KATNAL1: variants seen among roughly 807,000 people sequenced by gnomAD.
The protein encoded by KATNAL1 is katanin p60 ATPase-containing subunit A-like 1.
KATNAL1 carries 32 observed loss-of-function variants against 55.2 expected under a neutral mutation model. That is an observed-to-expected ratio of 0.58 (90% CI 0.44 to 0.78). The LOEUF (loss-of-function observed/expected upper bound fraction) is 0.78, where lower values mean the gene tolerates loss of function less well. KATNAL1 is among the 30% of genes least tolerant of loss of function. The pLI is 0.00. For synonymous variants in KATNAL1, 193 were observed against 193.6 expected, an observed-to-expected ratio of 1.00 and a Z score of 0.02; for missense variants, 466 against 600.9, an observed-to-expected ratio of 0.78 and a Z score of 2.35.
At chr13:30,289,022 AAT>A (rs1214748835) in intron 1 of KATNAL1, among the ~76,000 whole-genome samples, 6 of 152,172 alleles carry the variant, frequency 3.9e-5, no homozygotes, top group African/African-American at 1.4e-4. Flanking sequence ...ATTCTATACA[AAT>A]TTTTACTACC....
rs1166285637 is a variant in KATNAL1, at chr13:30,234,696, A to G, written c.727-3224T>C. ...ACTCTATCTGAAGCTCCAGGCCTCT[A>G]TTTTGAATTAGCTGCTGAGTATTTA... On this transcript the variant is annotated intron_variant, in intron 6 of 10. Coordinates refer to ENST00000380615, the MANE Select transcript of KATNAL1 (RefSeq NM_032116.5). 3.3e-5 allele frequency among the ~76,000 whole-genome samples: 5 copies of G among 152,174 alleles called. No homozygotes were observed. The East Asian group carries it at 9.6e-4, about 29-fold the overall frequency.
rs1412826928 is a variant in KATNAL1, at chr13:30,283,713, T to C, written c.65A>G (p.Tyr22Cys). The change falls in exon 2 of 11, where the codon TAC becomes TGC. Residue 22 changes from tyrosine (Y) to cysteine (C), a missense_variant. Tyr to Cys is a radical substitution (Grantham distance 194). Transcript: ENST00000380615. ...KGREYALLGNYDSSMVYYQGV... is the reference protein window; with the variant it reads ...KGREYALLGNCDSSMVYYQGV... ...CTGGTAATATACCATTGATGAGTCG[T>C]AATTTCCAAGAAGGGCATATTCTCT... 1 of 1,613,956 alleles carries C rather than the reference T, an allele frequency of 6.2e-7. No individual in the cohort carries two copies.
At chr13:30,251,667 T>C (rs1878333882) in intron 4 of KATNAL1, among the ~76,000 whole-genome samples, 1 of 152,196 alleles carries the variant, frequency 6.6e-6, no homozygotes, top group East Asian at 1.9e-4. Flanking sequence ...TAAGCTATTT[T>C]GTCATAGTAG....
chr13:30,270,012 C>T (rs1278162147), intron 3 of KATNAL1, among the ~76,000 whole-genome samples: 5 of 145,416 alleles, frequency 3.4e-5, no homozygotes, highest in African/African-American at 7.6e-5. Flanking sequence ...CCGCCCCGTC[C>T]GGGAGGGAGG....
intron 3 of KATNAL1, among the ~76,000 whole-genome samples, chr13:30,267,400 C>A (rs1344571678): frequency 6.6e-6 from 1 of 152,160 alleles, no homozygotes; most frequent in African/African-American, 2.4e-5. Context: ...ATTTATAAAA[C>A]CAAGTGGATA....
chr13:30,248,318 T>C (rs1321056093), intron 4 of KATNAL1, among the ~76,000 whole-genome samples: 3 of 152,158 alleles, frequency 2.0e-5, no homozygotes, highest in African/African-American at 7.2e-5. Context: ...CAAATGGGTT[T>C]AGAATTCTAA....
At chr13:30,255,365 CTTGA>C in intron 4 of KATNAL1, 78 bp downstream of exon 4, 1 of 1,182,020 alleles carries the variant, frequency 8.5e-7, no homozygotes, top group Non-Finnish European at 1.1e-6. Context: ...ACCAGGGTAT[CTTGA>C]AAAGCCAACA....
chr13:30,291,650 G>A (rs1882140062), intron 1 of KATNAL1, among the ~76,000 whole-genome samples: 1 of 152,146 alleles, frequency 6.6e-6, no homozygotes, highest in South Asian at 2.1e-4. Flanking sequence ...TAACACAGAT[G>A]TATTCAGGTG....
At chr13:30,303,496 T>G (rs1040445157) in intron 1 of KATNAL1, among the ~76,000 whole-genome samples, 1 of 152,178 alleles carries the variant, frequency 6.6e-6, no homozygotes, top group East Asian at 1.9e-4. Flanking sequence ...GCCCAGGAGT[T>G]CAAGGCTGCT....
chr13:30,235,796 T>TG (rs1223545763), intron 6 of KATNAL1, among the ~76,000 whole-genome samples: 1 of 151,968 alleles, frequency 6.6e-6, no homozygotes, highest in Non-Finnish European at 1.5e-5. Flanking sequence ...ACTCAGGGGT[T>TG]GGGGCACCAA....
At chr13:30,248,181 G>A (rs776098498) in intron 4 of KATNAL1, among the ~76,000 whole-genome samples, 8 of 152,156 alleles carry the variant, frequency 5.3e-5, no homozygotes, top group Non-Finnish European at 1.2e-4. Context: ...CTGAATAAGA[G>A]GTTAAAATAT....
Position 30,203,653 on chromosome 13 carries a change from T to C in KATNAL1, c.*4887A>G, listed in dbSNP as rs1416381373. 6.6e-6 allele frequency: 1 copy of C among 152,124 alleles called. No homozygotes were observed. Among genetic ancestry groups the C allele is most frequent in the East Asian group, 1.9e-4 (1 of 5,190 alleles). 9.4% of individuals were successfully genotyped at this position (152,124 alleles called of 1,614,324 possible). On this transcript the variant is annotated 3_prime_UTR_variant, in exon 11 of 11. Coordinates refer to ENST00000380615, the MANE Select transcript of KATNAL1 (RefSeq NM_032116.5). ...TTATTTTCTCAGAAAATGAGAAAGG[T>C]AAAATAAATTTTATGACATTACCTA...
chr13:30,296,016 C>G, intron 1 of KATNAL1: 1 of 181,030 alleles, frequency 5.5e-6, no homozygotes, highest in South Asian at 1.1e-4. Flanking sequence ...CCAGCCTGGG[C>G]AACATAGCAA....
At chr13:30,219,845 T>G (rs753906901) in intron 9 of KATNAL1, among the ~76,000 whole-genome samples, 25 of 152,174 alleles carry the variant, frequency 1.6e-4, no homozygotes, top group Non-Finnish European at 3.4e-4. Flanking sequence ...GCCGTGTTTA[T>G]TTTCTTCTTC....
In KATNAL1 at chr13:30,283,636, T is replaced by C. The variant is rs1881571530; in HGVS notation, c.142A>G (p.Ile48Val). 1 of 1,613,754 alleles carries C rather than the reference T, an allele frequency of 6.2e-7. No individual in the cohort carries two copies. Among genetic ancestry groups the C allele is most frequent in the South Asian group, 1.1e-5 (1 of 91,040 alleles). The change falls in exon 2 of 11, where the codon ATC (isoleucine) becomes GTC (valine). Residue 48 changes from isoleucine to valine, a missense_variant. Coordinates refer to ENST00000380615, the MANE Select transcript of KATNAL1 (RefSeq NM_032116.5). ...CTTACCTGTTGCCATTTGCCTTTGA[T>C]AGCTGGATCTCTGACTGACTGGCAA... ...RHCQSVRDPA[I>V]KGKWQQVRQE... is the part of the protein sequence containing the mutation.
chr13:30,301,276 G>A (rs540052268), intron 1 of KATNAL1, among the ~76,000 whole-genome samples: 64 of 152,220 alleles, frequency 4.2e-4, no homozygotes, highest in African/African-American at 1.2e-3. Context: ...AGGCTGAGGC[G>A]GCAGAAGCTT....
chr13:30,274,677 A>G (rs1351729651), intron 3 of KATNAL1, among the ~76,000 whole-genome samples: 1 of 152,210 alleles, frequency 6.6e-6, no homozygotes, highest in Non-Finnish European at 1.5e-5. Flanking sequence ...AGTCCTCAAA[A>G]AATTAAATAG....
chr13:30,293,412 A>G (rs1882271911), intron 1 of KATNAL1, among the ~76,000 whole-genome samples: 1 of 152,094 alleles, frequency 6.6e-6, no homozygotes. Context: ...CACCCCTTCA[A>G]AATACAGAAC....
At chr13:30,214,537 A>G (rs1275181520) in intron 9 of KATNAL1, among the ~76,000 whole-genome samples, 18 of 152,250 alleles carry the variant, frequency 1.2e-4, no homozygotes, top group Non-Finnish European at 2.2e-4. Flanking sequence ...ACAAGGCTAC[A>G]GTAACCAAAA....
Sources: allele counts gnomAD v4.1 joint callset (sites outside exome capture counted in the v4.1 genomes callset), GRCh38; gene constraint gnomAD v4.1.1; transcripts MANE v1.5; gene names NCBI Gene and HGNC (gene_info 2026-07-23, HGNC 2026-07-21).